TRANK1: variants seen among roughly 807,000 people sequenced by gnomAD.
TRANK1 encodes TPR and ankyrin repeat-containing protein 1.
Under a neutral mutation model 266.0 loss-of-function variants are expected in TRANK1, and 198 were observed. The ratio of observed to expected loss-of-function variants is 0.74; its 90% CI spans 0.66 to 0.84. The LOEUF (loss-of-function observed/expected upper bound fraction) is 0.84. TRANK1 is among the 40% of genes least tolerant of loss of function. The probability of loss-of-function intolerance (pLI) is 0.00; values close to 1 mark genes in which losing one functional copy is unlikely to be tolerated. For missense variants in TRANK1, 3,326 were observed against 3,634.6 expected (o/e 0.92, Z 2.18); for synonymous variants, 1,396 against 1,384.1 (o/e 1.01, Z -0.19).
chr3:36,888,780 A>C (rs2079643842), intron 8 of TRANK1, among the ~76,000 whole-genome samples: 1 of 152,190 alleles, frequency 6.6e-6, no homozygotes, highest in South Asian at 2.1e-4. Context: ...ATTTCTGGCC[A>C]GGCATGGTAG....
At chr3:36,833,954 A>C (rs117339943) in intron 21 of TRANK1, 35 bp from the exon 22 acceptor site, 3 of 1,545,526 alleles carry the variant, frequency 1.9e-6, no homozygotes, top group Non-Finnish European at 2.6e-6. Context: ...TCAACTTGCC[A>C]TCACCCAATC....
rs1166217342 is a variant in TRANK1, at chr3:36,856,197, A to G, written c.3525T>C (p.Ala1175=). The change falls in exon 13 of 24, where the codon GCT becomes GCC. Residue 1175 remains alanine (A), a synonymous_variant. Coordinates refer to ENST00000645898, the MANE Select transcript of TRANK1 (RefSeq NM_001329998.2). The part of the protein sequence containing the change: ...AGVEPAGDGQ[A]AEVCAPEHPH... ...GATGTTCTGGTGCACATACTTCTGC[A>G]GCTTGGCCGTCCCCTGCTGGCTCCA... 6.2e-7 allele frequency: 1 copy of G among 1,613,834 alleles called. No individual in the cohort carries two copies. The highest frequency in any genetic ancestry group is 8.5e-7 in the Non-Finnish European group (1 of 1,179,880).
intron 1 of TRANK1, among the ~76,000 whole-genome samples, chr3:36,941,411 C>T (rs899930743): frequency 6.6e-6 from 1 of 152,210 alleles, no homozygotes; most frequent in Non-Finnish European, 1.5e-5. Flanking sequence ...AGGGCAGGTA[C>T]TGTGAGGCTC....
In TRANK1 at chr3:36,857,993, T is replaced by C; in HGVS notation, c.1729A>G (p.Thr577Ala). 1 of 1,597,838 alleles carries C rather than the reference T, an allele frequency of 6.3e-7. No individual in the cohort carries two copies. Residue 577 changes from threonine to alanine, a missense_variant, in exon 13 of 24, where the codon ACT becomes GCT. Transcript: ENST00000645898. This position sits in a 1 kb window ranked among gnomAD's most constrained non-coding sequence, Gnocchi z 4.3. The stretch of plus-strand genomic sequence containing the variant: ...TTGGGGTTGAGGTAGTCGAATTCAG[T>C]GGGGTTGGACCAAAACAGATCCAAC... ...HLLDLFWSNP[T>A]EFDYLNPNVQ...
chr3:36,922,606 A>G (rs1280207072), intron 1 of TRANK1, among the ~76,000 whole-genome samples: 2 of 151,900 alleles, frequency 1.3e-5, no homozygotes, highest in Non-Finnish European at 2.9e-5. Context: ...CTCCATCTCA[A>G]AAAACAAAAA....
rs1429444465 is a variant in TRANK1 at position 36,856,810 on chromosome 3, C to T, written c.2912G>A (p.Arg971Gln). 13 of 1,613,972 alleles carry T rather than the reference C, an allele frequency of 8.1e-6. No homozygotes were observed. The highest frequency in any genetic ancestry group is 1.3e-5 in the African/African-American group (1 of 75,046). The part of the protein sequence containing the change: ...AYNRGLSCVL[R>Q]KKLKGINKGQ... The stretch of plus-strand genomic sequence containing the variant: ...TTTATTGATACCTTTCAGCTTCTTC[C>T]GCAGGACACAGGACAAGCCCCGGTT... Residue 971 changes from arginine (R) to glutamine (Q), a missense_variant, in exon 13 of 24, where the codon CGG (arginine) becomes CAG (glutamine). Coordinates refer to ENST00000645898, the MANE Select transcript of TRANK1 (RefSeq NM_001329998.2).
chr3:36,859,708 C>T (rs1015295002), intron 11 of TRANK1, among the ~76,000 whole-genome samples: 44 of 152,192 alleles, frequency 2.9e-4, no homozygotes, highest in African/African-American at 1.0e-3. Flanking sequence ...GCTGCGCACT[C>T]ACCTCTGTGG....
chr3:36,886,129 GTTTT>G (rs10563870), intron 8 of TRANK1, among the ~76,000 whole-genome samples: 23,597 of 100,408 alleles, frequency 0.24, 1,895 homozygotes, highest in East Asian at 0.47. Flanking sequence ...TGTTGTTGTT[GTTTT>G]TTTTTTTTTT....
In TRANK1 at chr3:36,857,285, C is replaced by T; in HGVS notation, c.2437G>A (p.Asp813Asn). 6.2e-7 allele frequency: 1 copy of T among 1,610,086 alleles called. No individual in the cohort carries two copies. Among genetic ancestry groups the T allele is most frequent in the Non-Finnish European group, 8.5e-7 (1 of 1,177,974 alleles). The change falls in exon 13 of 24, where the codon GAT (aspartate) becomes AAT (asparagine). Residue 813 changes from aspartate (D) to asparagine (N), a missense_variant. Physicochemically the swap from Asp to Asn is conservative, Grantham distance 23 (BLOSUM62 1). Transcript: ENST00000645898. The surrounding 1 kb of genome is among the most constrained non-coding windows in gnomAD (Gnocchi z 4.3). ...DDNRGKEGND[D>N]QDDWSTQEIE... ...TCCTGCGTGCTCCAGTCATCCTGAT[C>T]ATCATTGCCCTCCTTCCCCCTGTTA...
chr3:36,874,782 C>G (rs1256136109), intron 8 of TRANK1, among the ~76,000 whole-genome samples: 1 of 152,082 alleles, frequency 6.6e-6, no homozygotes, highest in Non-Finnish European at 1.5e-5. Flanking sequence ...TCCCTGGATG[C>G]CAACTCCATT....
chr3:36,880,378 G>T, intron 8 of TRANK1: 2 of 376,066 alleles, frequency 5.3e-6, no homozygotes, highest in South Asian at 2.3e-5. Flanking sequence ...CCTCTAGCCA[G>T]CCCTCTTGGT....
chr3:36,896,763 G>C (rs765738659), intron 4 of TRANK1, among the ~76,000 whole-genome samples: 1 of 152,236 alleles, frequency 6.6e-6, no homozygotes, highest in East Asian at 1.9e-4. Context: ...GGGAGGCCAA[G>C]GCGGGCAGAT....
intron 8 of TRANK1, among the ~76,000 whole-genome samples, chr3:36,882,279 G>C (rs1445569907): frequency 2.0e-5 from 3 of 152,086 alleles, no homozygotes; most frequent in Admixed American, 2.0e-4. Context: ...ATCCTGGTGG[G>C]TATAAAGTGT....
chr3:36,912,422 T>G (rs2080065200), intron 1 of TRANK1, among the ~76,000 whole-genome samples: 1 of 152,210 alleles, frequency 6.6e-6, no homozygotes, highest in Non-Finnish European at 1.5e-5. Context: ...ATCTTATATT[T>G]TGGCTGGCAC....
In TRANK1 at chr3:36,855,333, C is replaced by G. The variant is rs200416044; in HGVS notation, c.4389G>C (p.Thr1463=). ...CINDPNSMFL[T]GDTAQSIMKG... Reference sequence around the variant, plus strand: ...TCATGATGCTCTGGGCCGTGTCCCCCGTGAGGAACATAGAGTTGGGGTCAT... The same window carrying G: ...TCATGATGCTCTGGGCCGTGTCCCCGGTGAGGAACATAGAGTTGGGGTCAT... Residue 1463 remains threonine (T), a synonymous_variant, in exon 13 of 24, where the codon ACG becomes ACC. Coordinates refer to ENST00000645898, the MANE Select transcript of TRANK1 (RefSeq NM_001329998.2). 3 of 1,614,026 alleles carry G rather than the reference C, an allele frequency of 1.9e-6. No individual in the cohort carries two copies. Among genetic ancestry groups the G allele is most frequent in the East Asian group, 4.5e-5 (2 of 44,886 alleles).
intron 1 of TRANK1, among the ~76,000 whole-genome samples, chr3:36,943,382 C>T (rs940522147): frequency 6.6e-6 from 1 of 151,692 alleles, no homozygotes; most frequent in Non-Finnish European, 1.5e-5. Context: ...GGGTGTGGGT[C>T]TTGATCGAAA....
At chr3:36,876,923 C>T (rs1016387032) in intron 8 of TRANK1, among the ~76,000 whole-genome samples, 1 of 152,168 alleles carries the variant, frequency 6.6e-6, no homozygotes, top group African/African-American at 2.4e-5. Flanking sequence ...CTGCTGCTGC[C>T]CAGCTCTGGT....
At chr3:36,918,444 T>C (rs1223816964) in intron 1 of TRANK1, among the ~76,000 whole-genome samples, 2 of 126,950 alleles carry the variant, frequency 1.6e-5, no homozygotes, top group East Asian at 4.4e-4. Flanking sequence ...AAAGAGAAAA[T>C]AAAGCAAAAA....
Position 36,856,164 on chromosome 3 carries a change from C to A in TRANK1, c.3558G>T (p.Gln1186His). ...AEVCAPEHPH[Q>H]LEHLHQIFVT... ...CAAAGATCTGATGTAAATGCTCCAGCTGGTGGGGATGTTCTGGTGCACATA... is the reference window on the plus strand; with the variant it reads ...CAAAGATCTGATGTAAATGCTCCAGATGGTGGGGATGTTCTGGTGCACATA... Residue 1186 changes from glutamine (Q) to histidine (H), a missense_variant, in exon 13 of 24, where the codon CAG (glutamine) becomes CAT (histidine). By Grantham distance (24) the Gln-to-His change is conservative. Coordinates refer to ENST00000645898, the MANE Select transcript of TRANK1 (RefSeq NM_001329998.2). 1 of 1,613,960 alleles carries A rather than the reference C, an allele frequency of 6.2e-7. No individual in the cohort carries two copies. Among genetic ancestry groups the A allele is most frequent in the Non-Finnish European group, 8.5e-7 (1 of 1,179,882 alleles).
Sources: allele counts gnomAD v4.1 joint callset (sites outside exome capture counted in the v4.1 genomes callset), GRCh38; gene constraint gnomAD v4.1.1; non-coding constraint Gnocchi (gnomAD v3.1); transcripts MANE v1.5; gene names NCBI Gene and HGNC (gene_info 2026-07-23, HGNC 2026-07-21).